Variants in ERBIN observed in about 807,000 individuals in gnomAD.
ERBIN encodes the protein erbb2 interacting protein, also known as densin-180-like protein.
Under a neutral mutation model 158.4 loss-of-function variants are expected in ERBIN, and 60 were observed. That is an observed-to-expected ratio of 0.38 (90% confidence interval 0.31 to 0.47). The LOEUF (loss-of-function observed/expected upper bound fraction) is 0.47. Among genes scored for constraint, ERBIN ranks in the 20% least tolerant of loss-of-function variants. The probability of loss-of-function intolerance (pLI) is 0.99; values close to 1 mark genes in which losing one functional copy is unlikely to be tolerated. For synonymous variants in ERBIN, 594 were observed against 557.2 expected, an observed-to-expected ratio of 1.07 and a Z score of -0.93; for missense variants, 1,610 against 1,648.0, an observed-to-expected ratio of 0.98 and a Z score of 0.40.
At chr5:66,078,043 T>G (rs1242732795) in intron 25 of ERBIN, among the ~76,000 whole-genome samples, 1 of 152,174 alleles carries the variant, frequency 6.6e-6, no homozygotes, top group Non-Finnish European at 1.5e-5. Flanking sequence ...TAAGCTTAAT[T>G]GTAAGAAATA....
At chr5:65,960,465 C>T (rs900904774) in intron 1 of ERBIN, among the ~76,000 whole-genome samples, 2 of 152,130 alleles carry the variant, frequency 1.3e-5, no homozygotes, top group Non-Finnish European at 2.9e-5. Context: ...GTAAACTTTA[C>T]CTCAAAAACA....
At chr5:65,994,145 A>G (rs1421606449) in intron 3 of ERBIN, among the ~76,000 whole-genome samples, 2 of 152,206 alleles carry the variant, frequency 1.3e-5, no homozygotes, top group African/African-American at 4.8e-5. Context: ...TTTATGAACT[A>G]GAAACCTAGG....
intron 21 of ERBIN, among the ~76,000 whole-genome samples, chr5:66,071,508 A>G (rs1761527239): frequency 6.6e-6 from 1 of 152,210 alleles, no homozygotes; most frequent in African/African-American, 2.4e-5. Context: ...ATTGGTTTTA[A>G]TAGCATTTCT....
chr5:65,993,364 A>G (rs1442763341), intron 3 of ERBIN, among the ~76,000 whole-genome samples: 1 of 152,162 alleles, frequency 6.6e-6, no homozygotes, highest in Non-Finnish European at 1.5e-5. Context: ...GTTTTCCTCC[A>G]TTTACAATTT....
At chr5:66,077,147 TC>T (rs1440332905) in intron 25 of ERBIN, among the ~76,000 whole-genome samples, 198 bp downstream of exon 25, 1 of 135,332 alleles carries the variant, frequency 7.4e-6, no homozygotes, top group African/African-American at 3.0e-5. Flanking sequence ...CGAGACTCTG[TC>T]TCAAAAAAAA....
At chr5:65,931,408 A>G (rs1743357958) in intron 1 of ERBIN, among the ~76,000 whole-genome samples, 1 of 152,222 alleles carries the variant, frequency 6.6e-6, no homozygotes, top group Non-Finnish European at 1.5e-5. Flanking sequence ...CTTTGAGGCT[A>G]AGTGCCTTGT....
In ERBIN at chr5:66,025,934, C is replaced by T; in HGVS notation, c.977C>T (p.Thr326Ile). 6.3e-7 allele frequency: 1 copy of T among 1,593,840 alleles called. No individual in the cohort carries two copies. The highest frequency in any genetic ancestry group is 8.5e-7 in the Non-Finnish European group (1 of 1,171,600). ...ATTGGGCAGCTTACTAACTTAAGAACTTTTGCTGCTGATCATAATTACTTA... is the reference window on the plus strand; with the variant it reads ...ATTGGGCAGCTTACTAACTTAAGAATTTTTGCTGCTGATCATAATTACTTA... ...SSIGQLTNLR[T>I]FAADHNYLQQ... Residue 326 changes from threonine to isoleucine, a missense_variant, in exon 12 of 26, where the codon ACT becomes ATT. Around this residue, in one of 2 missense-constraint regions of ERBIN, gnomAD observed 596 missense variants for 711.9 expected, o/e 0.84. Transcript: ENST00000284037.
In ERBIN at chr5:66,026,371, A is replaced by G; in HGVS notation, c.1090A>G (p.Met364Val). Residue 364 changes from methionine to valine, a missense_variant, in exon 13 of 26, where the codon ATG becomes GTG. By Grantham distance (21) the Met-to-Val change is conservative (BLOSUM62 1). This residue lies in a region of ERBIN where 596 missense variants were observed against 711.9 expected (regional missense o/e 0.84). Transcript: ENST00000284037. ...SNKLETLPEE[M>V]GDMQKLKVIN... Reference sequence around the variant, plus strand: ...TAAACTTGAGACACTTCCAGAGGAAATGGGTGATATGCAAAAATTAAAAGT... The same window carrying G: ...TAAACTTGAGACACTTCCAGAGGAAGTGGGTGATATGCAAAAATTAAAAGT... The G allele has an allele frequency of 6.2e-7, 1 of 1,601,420 alleles. No homozygotes were observed. Among genetic ancestry groups the G allele is most frequent in the Non-Finnish European group, 8.5e-7 (1 of 1,174,330 alleles).
chr5:66,058,568 T>C (rs1053092849), intron 21 of ERBIN, among the ~76,000 whole-genome samples: 39 of 150,816 alleles, frequency 2.6e-4, no homozygotes, highest in South Asian at 4.2e-4. Flanking sequence ...TTTTGGCTTT[T>C]GTTGCCATTG....
At chr5:66,046,330 T>G (rs1393050830) in intron 17 of ERBIN, 23 bp from the exon 18 acceptor site, 1 of 1,366,864 alleles carries the variant, frequency 7.3e-7, no homozygotes, top group African/African-American at 1.4e-5. Flanking sequence ...GAATATGAGC[T>G]CTTTATCTTT....
chr5:65,968,328 C>T (rs1748886889), intron 1 of ERBIN, among the ~76,000 whole-genome samples: 1 of 152,140 alleles, frequency 6.6e-6, no homozygotes, highest in Non-Finnish European at 1.5e-5. Context: ...ACTGTTTCTT[C>T]AACTGAATAT....
At chr5:66,005,082 C>CTA (rs761842113) in intron 4 of ERBIN, among the ~76,000 whole-genome samples, 76 of 144,584 alleles carry the variant, frequency 5.3e-4, no homozygotes, top group Non-Finnish European at 7.9e-4. Context: ...TTTAATCTGT[C>CTA]TATATATATA....
chr5:66,040,295 G>A (rs7707053), intron 15 of ERBIN, among the ~76,000 whole-genome samples: 8,764 of 151,902 alleles, frequency 0.058, 883 homozygotes, highest in African/African-American at 0.2. Context: ...TTCTTCTCAT[G>A]CTGGTTTCTA....
chr5:66,006,333 T>G (rs1445748497), intron 4 of ERBIN, among the ~76,000 whole-genome samples: 1 of 152,190 alleles, frequency 6.6e-6, no homozygotes, highest in South Asian at 2.1e-4. Flanking sequence ...GAAAACTGGC[T>G]AGCCATATGT....
chr5:66,044,411 C>G, intron 17 of ERBIN, 101 bp downstream of exon 17: 1 of 1,044,184 alleles, frequency 9.6e-7, no homozygotes, highest in Non-Finnish European at 1.4e-6. Context: ...AATGTGCAGT[C>G]ATGCACCACA....
intron 4 of ERBIN, among the ~76,000 whole-genome samples, chr5:66,004,595 T>A (rs2151084091): frequency 6.6e-6 from 1 of 151,964 alleles, no homozygotes; most frequent in Non-Finnish European, 1.5e-5. Context: ...TTTACACGGG[T>A]TTTCGCCATG....
intron 1 of ERBIN, among the ~76,000 whole-genome samples, chr5:65,964,947 A>AGTGTGTGT (rs1748387029): frequency 1.3e-5 from 1 of 75,674 alleles, no homozygotes; most frequent in African/African-American, 7.6e-5. Flanking sequence ...TGTGTGTGTA[A>AGTGTGTGT]TTTTTTTTTT....
At chr5:65,944,044 C>G (rs1446862661) in intron 1 of ERBIN, among the ~76,000 whole-genome samples, 1 of 152,162 alleles carries the variant, frequency 6.6e-6, no homozygotes, top group South Asian at 2.1e-4. Flanking sequence ...ATCCATTCAT[C>G]TGTGGGTAGA....
At chr5:65,927,381 GGTGA>G (rs1028480799) in intron 1 of ERBIN, among the ~76,000 whole-genome samples, 8 of 152,124 alleles carry the variant, frequency 5.3e-5, no homozygotes, top group Non-Finnish European at 8.8e-5. Context: ...TGTTTTTCAG[GGTGA>G]GTAATATATT....
Sources: gnomAD v4.1 joint callset for allele counts (sites outside exome capture counted in the v4.1 genomes callset) on GRCh38, gnomAD v4.1.1 for gene constraint, gnomAD v4.1.1 regional missense constraint, MANE v1.5 for transcripts, NCBI Gene and HGNC (gene_info 2026-07-23, HGNC 2026-07-21) for gene names.